Variants in GABRG3 observed in about 807,000 individuals in gnomAD.
GABRG3 encodes the protein gamma-aminobutyric acid receptor subunit gamma-3.
Under a neutral mutation model 48.8 loss-of-function variants are expected in GABRG3, and 25 were observed. That is an observed-to-expected ratio of 0.51 (90% CI 0.37 to 0.72). The LOEUF is 0.72. Among genes scored for constraint, GABRG3 ranks in the 30% least tolerant of loss-of-function variants. The pLI is 0.00. For missense variants in GABRG3, 394 were observed against 577.9 expected (o/e 0.68, Z 3.26); for synonymous variants, 227 against 217.6 (o/e 1.04, Z -0.38).
intron 5 of GABRG3, among the ~76,000 whole-genome samples, chr15:27,382,676 A>G (rs993972397): frequency 6.6e-6 from 1 of 152,218 alleles, no homozygotes; most frequent in African/African-American, 2.4e-5. Context: ...GGTGGTTTGC[A>G]CTACTGTGTT....
At chr15:27,206,983 G>A (rs917502845) in intron 3 of GABRG3, among the ~76,000 whole-genome samples, 3 of 152,094 alleles carry the variant, frequency 2.0e-5, no homozygotes, top group Non-Finnish European at 4.4e-5. Flanking sequence ...CATACAATTG[G>A]CTTTGGCTTC....
chr15:27,464,720 C>T (rs1889550790), intron 5 of GABRG3, among the ~76,000 whole-genome samples: 1 of 152,184 alleles, frequency 6.6e-6, no homozygotes, highest in Admixed American at 6.5e-5. Flanking sequence ...TGATGCTAAA[C>T]ATCTTTTCAT....
chr15:27,118,574 G>A (rs1247391898), intron 3 of GABRG3, among the ~76,000 whole-genome samples: 1 of 152,184 alleles, frequency 6.6e-6, no homozygotes, highest in Non-Finnish European at 1.5e-5. Flanking sequence ...TGCCTTAAGA[G>A]TTCCACTCTG....
intron 5 of GABRG3, among the ~76,000 whole-genome samples, chr15:27,356,181 C>G (rs1566803382): frequency 1.3e-5 from 2 of 151,866 alleles, no homozygotes; most frequent in Non-Finnish European, 1.5e-5. Flanking sequence ...AGTCCTATAA[C>G]AAATTACACT....
At chr15:27,168,909 A>G (rs1361380664) in intron 3 of GABRG3, among the ~76,000 whole-genome samples, 1 of 152,226 alleles carries the variant, frequency 6.6e-6, no homozygotes, top group African/African-American at 2.4e-5. Flanking sequence ...GTTCTTGCAG[A>G]GGAATTAAGC....
chr15:27,246,700 A>T (rs970492298), intron 3 of GABRG3, among the ~76,000 whole-genome samples: 5 of 152,206 alleles, frequency 3.3e-5, no homozygotes, highest in Non-Finnish European at 5.9e-5. Flanking sequence ...AGTTGCCTTG[A>T]ATTAAAATAA....
At chr15:27,456,192 G>T (rs1340042959) in intron 5 of GABRG3, among the ~76,000 whole-genome samples, 1 of 152,160 alleles carries the variant, frequency 6.6e-6, no homozygotes, top group African/African-American at 2.4e-5. Context: ...GCCTGCTTGG[G>T]CCTGGGCTGT....
chr15:27,279,994 T>C (rs1891382313), intron 3 of GABRG3, among the ~76,000 whole-genome samples: 2 of 152,154 alleles, frequency 1.3e-5, no homozygotes, highest in South Asian at 4.1e-4. Flanking sequence ...ATATTTCATA[T>C]TTTACAGTGA....
intron 3 of GABRG3, among the ~76,000 whole-genome samples, chr15:27,127,960 A>G (rs572259063): frequency 6.6e-6 from 1 of 152,292 alleles, no homozygotes; most frequent in African/African-American, 2.4e-5. Flanking sequence ...GCGTCTCCTC[A>G]GTAGATAAGA....
chr15:27,406,047 C>T (rs1887624079), intron 5 of GABRG3, among the ~76,000 whole-genome samples: 1 of 152,118 alleles, frequency 6.6e-6, no homozygotes, highest in Admixed American at 6.6e-5. Context: ...ATCCCAGCTA[C>T]ATGAGAAGCT....
chr15:27,512,263 G>A (rs1033216691), intron 6 of GABRG3, among the ~76,000 whole-genome samples: 10 of 143,120 alleles, frequency 7.0e-5, no homozygotes, highest in South Asian at 7.0e-4. Context: ...AATCAAGTGC[G>A]ATGTCATTGG....
chr15:27,354,935 T>C (rs993085183), intron 5 of GABRG3, among the ~76,000 whole-genome samples: 2 of 152,220 alleles, frequency 1.3e-5, no homozygotes, highest in African/African-American at 4.8e-5. Flanking sequence ...GGCCATTCTC[T>C]GTTCATGCCC....
chr15:27,508,617 T>C (rs1437118934), intron 6 of GABRG3, among the ~76,000 whole-genome samples: 1 of 152,234 alleles, frequency 6.6e-6, no homozygotes, highest in Non-Finnish European at 1.5e-5. Flanking sequence ...TTATATTCCA[T>C]ATCTCTGAAG....
At chr15:27,171,113 C>A (rs1194219001) in intron 3 of GABRG3, among the ~76,000 whole-genome samples, 1 of 152,152 alleles carries the variant, frequency 6.6e-6, no homozygotes, top group Non-Finnish European at 1.5e-5. Flanking sequence ...AGCCATGATG[C>A]TCAGGTTCAC....
At chr15:27,204,224 A>G (rs1888783248) in intron 3 of GABRG3, among the ~76,000 whole-genome samples, 2 of 152,096 alleles carry the variant, frequency 1.3e-5, no homozygotes, top group African/African-American at 2.4e-5. Context: ...TGATTTTTGT[A>G]TGTGGTGAAA....
At chr15:27,090,645 T>C (rs906372880) in intron 3 of GABRG3, among the ~76,000 whole-genome samples, 4 of 152,230 alleles carry the variant, frequency 2.6e-5, no homozygotes, top group African/African-American at 9.6e-5. Context: ...GATGTCTTTC[T>C]ATTTATTTGT....
At chr15:27,501,374 C>G (rs1890633925) in intron 6 of GABRG3, among the ~76,000 whole-genome samples, 1 of 152,190 alleles carries the variant, frequency 6.6e-6, no homozygotes, top group Non-Finnish European at 1.5e-5. Context: ...TAAGCAAGCT[C>G]TACAAGTCTT....
intron 6 of GABRG3, among the ~76,000 whole-genome samples, chr15:27,482,307 G>A (rs533752622): frequency 1.3e-4 from 20 of 152,226 alleles, no homozygotes; most frequent in African/African-American, 4.6e-4. Flanking sequence ...TCATACGCTC[G>A]GGACGGACGC....
intron 3 of GABRG3, among the ~76,000 whole-genome samples, chr15:27,313,154 G>A (rs1412176605): frequency 3.5e-5 from 5 of 143,086 alleles, no homozygotes; most frequent in Non-Finnish European, 7.6e-5. Flanking sequence ...ATAATGTAAT[G>A]ATAAAAGAGT....
Sources: allele counts gnomAD v4.1 joint callset (sites outside exome capture counted in the v4.1 genomes callset), GRCh38; gene constraint gnomAD v4.1.1; transcripts MANE v1.5; gene names NCBI Gene and HGNC (gene_info 2026-07-23, HGNC 2026-07-21).